Variants in ITGBL1 observed in about 807,000 individuals in gnomAD.
The protein encoded by ITGBL1 is integrin subunit beta like 1, also known as integrin beta-like protein 1.
A neutral mutation model predicts 68.5 loss-of-function variants in ITGBL1; 51 were observed. The observed-to-expected ratio is 0.74, with a 90% CI of 0.59 to 0.94. ITGBL1 has a LOEUF of 0.94. Among genes scored for constraint, ITGBL1 ranks in the 40% least tolerant of loss-of-function variants. The probability of loss-of-function intolerance (pLI) is 0.00; values close to 1 mark genes in which losing one functional copy is unlikely to be tolerated. For synonymous variants in ITGBL1, 209 were observed against 227.3 expected (o/e 0.92, Z 0.72); for missense variants, 649 against 647.4 (o/e 1.00, Z -0.03).
intron 2 of ITGBL1, among the ~76,000 whole-genome samples, chr13:101,510,215 G>A (rs189230160): frequency 3.4e-4 from 52 of 152,136 alleles, no homozygotes; most frequent in Admixed American, 5.9e-4. Flanking sequence ...TTATGTTCAT[G>A]TGTATTCCAT....
At chr13:101,708,197 T>C (rs1045872548) in intron 9 of ITGBL1, among the ~76,000 whole-genome samples, 1 of 152,178 alleles carries the variant, frequency 6.6e-6, no homozygotes, top group African/African-American at 2.4e-5. Context: ...TTGTAATGCA[T>C]ATGGCATCAT....
At chr13:101,600,473 T>C (rs947231663) in intron 7 of ITGBL1, among the ~76,000 whole-genome samples, 26 of 152,244 alleles carry the variant, frequency 1.7e-4, no homozygotes, top group African/African-American at 5.8e-4. Context: ...TCCAACACTA[T>C]GTTGAATAGG....
At chr13:101,625,753 C>T (rs1373186617) in intron 7 of ITGBL1, among the ~76,000 whole-genome samples, 3 of 152,066 alleles carry the variant, frequency 2.0e-5, no homozygotes, top group Admixed American at 1.3e-4. Flanking sequence ...GGGGTTTCAT[C>T]ACGTTGGCCA....
At chr13:101,627,031 A>C (rs2139399816) in intron 7 of ITGBL1, among the ~76,000 whole-genome samples, 1 of 151,976 alleles carries the variant, frequency 6.6e-6, no homozygotes, top group Admixed American at 6.6e-5. Context: ...CCTTTTGGAG[A>C]CTCCTTCATC....
At chr13:101,719,602 A>C (rs2034853702), downstream of ITGBL1, 1 of 152,130 alleles carries the variant, frequency 6.6e-6, no homozygotes, top group African/African-American at 2.4e-5. Context: ...TGTCACTTGA[A>C]ATACCAAAAC....
intron 7 of ITGBL1, among the ~76,000 whole-genome samples, chr13:101,633,101 A>G (rs1391701186): frequency 6.6e-6 from 1 of 152,208 alleles, no homozygotes; most frequent in Non-Finnish European, 1.5e-5. Flanking sequence ...GAAGGGCTGA[A>G]AAGAATGTAT....
intron 2 of ITGBL1, among the ~76,000 whole-genome samples, chr13:101,534,092 G>T (rs1039375367): frequency 6.6e-6 from 1 of 152,106 alleles, no homozygotes; most frequent in African/African-American, 2.4e-5. Context: ...ATCATAATCA[G>T]CACAGTCTAA....
chr13:101,531,600 C>T (rs28679637), intron 2 of ITGBL1, among the ~76,000 whole-genome samples: 9 of 121,412 alleles, frequency 7.4e-5, no homozygotes, highest in Middle Eastern at 6.0e-3. Flanking sequence ...TACTTCATAG[C>T]GTATTTTTTG....
chr13:101,648,357 G>C (rs1038740707), intron 7 of ITGBL1, among the ~76,000 whole-genome samples: 1 of 152,192 alleles, frequency 6.6e-6, no homozygotes, highest in African/African-American at 2.4e-5. Flanking sequence ...ATCAGTAAAA[G>C]AATGCAGTAA....
At chr13:101,473,063 A>AT (rs1249230123) in intron 2 of ITGBL1, among the ~76,000 whole-genome samples, 2 of 152,180 alleles carry the variant, frequency 1.3e-5, no homozygotes, top group African/African-American at 4.8e-5. Flanking sequence ...GGTTATAAAG[A>AT]TTAAAATGTG....
chr13:101,598,376 G>T, intron 7 of ITGBL1, 77 bp downstream of exon 7: 3 of 1,131,956 alleles, frequency 2.7e-6, no homozygotes, highest in Non-Finnish European at 3.5e-6. Flanking sequence ...ACATCTTTTT[G>T]TTTGTTTGTT....
chr13:101,567,926 T>G (rs761422197), intron 3 of ITGBL1, 81 bp downstream of exon 3: 7 of 1,115,486 alleles, frequency 6.3e-6, no homozygotes, highest in African/African-American at 3.1e-5. Context: ...CGTGGAGAAA[T>G]GTTGAATCTC....
intron 2 of ITGBL1, among the ~76,000 whole-genome samples, chr13:101,481,912 A>C (rs2048630909): frequency 1.3e-5 from 2 of 152,092 alleles, no homozygotes; most frequent in African/African-American, 2.4e-5. Flanking sequence ...CACCGCAAAT[A>C]TTTATCGTAC....
chr13:101,714,212 T>C, intron 9 of ITGBL1: 1 of 511,844 alleles, frequency 2.0e-6, no homozygotes, highest in Non-Finnish European at 3.5e-6. Context: ...GGACATTTGT[T>C]CAAGGCTAAT....
At chr13:101,518,104 C>T (rs74119532) in intron 2 of ITGBL1, among the ~76,000 whole-genome samples, 5,058 of 152,224 alleles carry the variant, frequency 0.033, 264 homozygotes, top group African/African-American at 0.11. Flanking sequence ...AGAGATTTGA[C>T]CTCAGATGAA....
rs1594867610 is a variant in ITGBL1 at position 101,527,804 on chromosome 13, A to G, written c.317-39895A>G. ...ATGTTTTGAATATTTTCATATGGTT[A>G]TTGGCCATTTATATACATTCATTTG... On this transcript the variant is annotated intron_variant, in intron 2 of 10. Transcript: ENST00000376180. Among the ~76,000 whole-genome samples, 9 of 151,942 alleles carry G rather than the reference A, an allele frequency of 5.9e-5. No individual in the cohort carries two copies. In the South Asian group the frequency reaches 1.7e-3, roughly 28 times the overall value.
At chr13:101,491,005 T>A (rs1049929828) in intron 2 of ITGBL1, among the ~76,000 whole-genome samples, 2 of 152,226 alleles carry the variant, frequency 1.3e-5, no homozygotes, top group Non-Finnish European at 2.9e-5. Flanking sequence ...GTGTAATGTC[T>A]GTCTTGGTTT....
chr13:101,599,674 C>A (rs1196721100), intron 7 of ITGBL1, among the ~76,000 whole-genome samples: 1 of 152,126 alleles, frequency 6.6e-6, no homozygotes, highest in Non-Finnish European at 1.5e-5. Context: ...GTTTTCCCAG[C>A]ACCATTTATT....
intron 2 of ITGBL1, among the ~76,000 whole-genome samples, chr13:101,459,120 C>A (rs2048284357): frequency 6.6e-6 from 1 of 152,080 alleles, no homozygotes; most frequent in African/African-American, 2.4e-5. Context: ...ACTTAAAGTT[C>A]TTTTAAAAGA....
Sources: allele counts gnomAD v4.1 joint callset (sites outside exome capture counted in the v4.1 genomes callset), GRCh38; gene constraint gnomAD v4.1.1; transcripts MANE v1.5; gene names NCBI Gene and HGNC (gene_info 2026-07-23, HGNC 2026-07-21).